Variants in ARL15 observed in about 807,000 individuals in gnomAD.
ARL15 encodes ADP-ribosylation factor-like protein 15.
A neutral mutation model predicts 25.2 loss-of-function variants in ARL15; 19 were observed. The ratio of observed to expected loss-of-function variants is 0.75; its 90% CI spans 0.53 to 1.10. ARL15 has a LOEUF of 1.10. Among genes scored for constraint, ARL15 ranks in the 50% least tolerant of loss-of-function variants. The probability of loss-of-function intolerance (pLI) is 0.00; values close to 1 mark genes in which losing one functional copy is unlikely to be tolerated. For missense variants in ARL15, 220 were observed against 246.0 expected (o/e 0.89, Z 0.71); for synonymous variants, 94 against 86.8 (o/e 1.08, Z -0.46).
intron 4 of ARL15, among the ~76,000 whole-genome samples, chr5:53,993,020 C>T (rs564285699): frequency 1.4e-4 from 21 of 149,452 alleles, no homozygotes; most frequent in South Asian, 2.1e-4. Context: ...CACTCTGGCC[C>T]GGGCAACAAG....
At chr5:54,011,151 T>G (rs1000003904) in intron 4 of ARL15, among the ~76,000 whole-genome samples, 2 of 152,150 alleles carry the variant, frequency 1.3e-5, no homozygotes, top group Non-Finnish European at 2.9e-5. Flanking sequence ...AGGTTAAGTC[T>G]CTAGAGTGAA....
chr5:54,173,788 C>A (rs1754786266), intron 1 of ARL15, among the ~76,000 whole-genome samples: 3 of 152,098 alleles, frequency 2.0e-5, no homozygotes, highest in South Asian at 2.1e-4. Flanking sequence ...GAGCCCAAAC[C>A]CTTACCATGG....
chr5:54,195,060 G>C (rs1755512933), intron 1 of ARL15, among the ~76,000 whole-genome samples: 1 of 152,116 alleles, frequency 6.6e-6, no homozygotes, highest in South Asian at 2.1e-4. Flanking sequence ...CATTCCTTTT[G>C]TCCAACAGGC....
At chr5:54,049,515 C>T (rs751979474) in intron 4 of ARL15, among the ~76,000 whole-genome samples, 6 of 152,056 alleles carry the variant, frequency 3.9e-5, no homozygotes, top group Non-Finnish European at 8.8e-5. Flanking sequence ...TCCAATTTTT[C>T]CTAAACTTAT....
chr5:54,194,501 C>T (rs964629471), intron 1 of ARL15, among the ~76,000 whole-genome samples: 1 of 152,002 alleles, frequency 6.6e-6, no homozygotes, highest in Non-Finnish European at 1.5e-5. Flanking sequence ...AGTTATGAAA[C>T]TCAGTTGTCA....
At chr5:53,969,574 G>C (rs1747671514) in intron 4 of ARL15, among the ~76,000 whole-genome samples, 1 of 152,204 alleles carries the variant, frequency 6.6e-6, no homozygotes, top group Admixed American at 6.5e-5. Context: ...TGGTGAATGA[G>C]AGAGAATTAT....
rs551548672 is a variant in ARL15 at position 53,916,614 on chromosome 5, T to C, written c.463-29901A>G. ...AAGACAGGGGCAGGTGACATGTTCT[T>C]TTAAGGCATCAGTACTAAGGCTGCC... is the stretch of plus-strand genomic sequence containing the variant. On this transcript the variant is annotated intron_variant, in intron 4 of 4. Transcript: ENST00000504924. Among the ~76,000 whole-genome samples the C allele has an allele frequency of 1.1e-3, 164 of 152,276 alleles. 1 individual carries two copies. The Middle Eastern group carries it at 0.014, about 13-fold the overall frequency.
intron 4 of ARL15, among the ~76,000 whole-genome samples, chr5:54,103,165 T>A (rs1305445654): frequency 6.6e-6 from 1 of 152,134 alleles, no homozygotes; most frequent in Non-Finnish European, 1.5e-5. Context: ...CTTGTAAATT[T>A]TTTTTTTGTT....
At chr5:54,290,896 C>T (rs1224796112) in intron 1 of ARL15, among the ~76,000 whole-genome samples, 1 of 151,928 alleles carries the variant, frequency 6.6e-6, no homozygotes, top group Non-Finnish European at 1.5e-5. Context: ...CTTTTTAAGC[C>T]ACTTCTTTGG....
chr5:54,282,299 A>T (rs1250838103), intron 1 of ARL15: 3 of 985,356 alleles, frequency 3.0e-6, no homozygotes, highest in Non-Finnish European at 3.6e-6. Flanking sequence ...ACAAACAGCA[A>T]ATGAGATCTG....
rs1308978474 is a variant in ARL15 at position 54,200,332 on chromosome 5, TA to T, written c.49-28405del. Among the ~76,000 whole-genome samples, 224 of 149,248 alleles carry T rather than the reference TA, an allele frequency of 1.5e-3. 1 individual carries two copies. The highest frequency in any genetic ancestry group is 4.9e-3 in the African/African-American group (201 of 40,838). On this transcript the variant is annotated intron_variant, in intron 1 of 4. Transcript: ENST00000504924. Reference sequence around the variant, plus strand: ...AAGAGAAAAAAAAGAAAAAAATAAATAAAAAAAATTTAAAAATAAATAAATA... The same window carrying T: ...AAGAGAAAAAAAAGAAAAAAATAAATAAAAAAATTTAAAAATAAATAAATA...
chr5:54,098,131 ATATCTGTAAGAC>A (rs1752339196), intron 4 of ARL15, among the ~76,000 whole-genome samples: 1 of 152,178 alleles, frequency 6.6e-6, no homozygotes. Context: ...TATTTCATAA[ATATCTGTAAGAC>A]TGAGGAAAGT....
intron 4 of ARL15, among the ~76,000 whole-genome samples, chr5:53,924,578 G>T (rs1312970589): frequency 6.6e-6 from 1 of 152,176 alleles, no homozygotes; most frequent in Non-Finnish European, 1.5e-5. Flanking sequence ...TTGAGGGCAT[G>T]AACCTAGACG....
chr5:54,174,204 G>A lies in ARL15; in HGVS notation c.49-2276C>T, dbSNP rs573970837. 7.2e-4 allele frequency among the ~76,000 whole-genome samples: 110 copies of A among 152,198 alleles called. No individual in the cohort carries two copies. The South Asian group carries it at 9.5e-3, about 13-fold the overall frequency. On this transcript the variant is annotated intron_variant, in intron 1 of 4. Transcript: ENST00000504924. ...GATAATTGTTGAATGAAGAATGAACGACACTTAAATTTTACCTAAGCAAAG... is the reference window on the plus strand; with the variant it reads ...GATAATTGTTGAATGAAGAATGAACAACACTTAAATTTTACCTAAGCAAAG...
intron 4 of ARL15, among the ~76,000 whole-genome samples, chr5:53,916,797 G>T (rs1745666629): frequency 6.6e-6 from 1 of 152,116 alleles, no homozygotes; most frequent in Non-Finnish European, 1.5e-5. Flanking sequence ...GCATTACTCT[G>T]AGCAAATTAA....
intron 4 of ARL15, among the ~76,000 whole-genome samples, chr5:54,079,589 A>C (rs953628292): frequency 6.6e-6 from 1 of 152,198 alleles, no homozygotes; most frequent in Non-Finnish European, 1.5e-5. Context: ...AGATAGATAG[A>C]TACCTGTAGA....
intron 4 of ARL15, among the ~76,000 whole-genome samples, chr5:54,087,428 C>T (rs1297471476): frequency 6.6e-6 from 1 of 152,098 alleles, no homozygotes; most frequent in Non-Finnish European, 1.5e-5. Context: ...TGTTATTATG[C>T]TACTTTAGCA....
chr5:53,949,956 T>C (rs1422793252), intron 4 of ARL15, among the ~76,000 whole-genome samples: 1 of 152,220 alleles, frequency 6.6e-6, no homozygotes, highest in Non-Finnish European at 1.5e-5. Flanking sequence ...GTCATTGTGC[T>C]AACAGAATGA....
intron 1 of ARL15, among the ~76,000 whole-genome samples, chr5:54,252,611 G>A (rs1168681989): frequency 6.6e-6 from 1 of 152,186 alleles, no homozygotes; most frequent in African/African-American, 2.4e-5. Flanking sequence ...AAAGGAAGAA[G>A]CTGAGGCAAA....
Sources: allele counts gnomAD v4.1 joint callset (sites outside exome capture counted in the v4.1 genomes callset), GRCh38; gene constraint gnomAD v4.1.1; transcripts MANE v1.5; gene names NCBI Gene and HGNC (gene_info 2026-07-23, HGNC 2026-07-21).